SLC18A1: variants seen among roughly 807,000 people sequenced by gnomAD.
SLC18A1 encodes solute carrier family 18 member A1.
A neutral mutation model predicts 53.7 loss-of-function variants in SLC18A1; 69 were observed. That is an observed-to-expected ratio of 1.28 (90% CI 1.06 to 1.57). The LOEUF is 1.57. Ranked by LOEUF, SLC18A1 falls within the 40% of genes most tolerant of loss-of-function variation. The pLI, the probability that SLC18A1 is intolerant of heterozygous loss-of-function variation, is 0.00. For synonymous variants in SLC18A1, 320 were observed against 248.1 expected, an observed-to-expected ratio of 1.29 and a Z score of -2.72; for missense variants, 932 against 668.1, an observed-to-expected ratio of 1.40 and a Z score of -4.35.
At chr8:20,149,537 T>C (rs1249585229) in intron 12 of SLC18A1, 139 bp downstream of exon 12, 1 of 692,400 alleles carries the variant, frequency 1.4e-6, no homozygotes, top group Non-Finnish European at 2.4e-6. Context: ...TCTCTGCTCA[T>C]CTTAAAGGAA....
At chr8:20,150,572 A>G in intron 11 of SLC18A1, 94 bp downstream of exon 11, 3 of 1,122,340 alleles carry the variant, frequency 2.7e-6, no homozygotes, top group East Asian at 2.4e-5. Flanking sequence ...TAAACTTTCA[A>G]CCGTATGGAA....
intron 5 of SLC18A1, among the ~76,000 whole-genome samples, chr8:20,173,973 T>G (rs1255070344): frequency 6.6e-6 from 1 of 151,086 alleles, no homozygotes; most frequent in Non-Finnish European, 1.5e-5. Flanking sequence ...CATGGCTCAC[T>G]GCAGCCTTGA....
chr8:20,178,377 A>C (rs2128880087), intron 4 of SLC18A1, 58 bp downstream of exon 4: 1 of 1,394,098 alleles, frequency 7.2e-7, no homozygotes, highest in East Asian at 2.3e-5. Context: ...CACCGCATTC[A>C]CTTGATAAAA....
intron 8 of SLC18A1, among the ~76,000 whole-genome samples, chr8:20,166,289 CTATATATATATATATATA>C (rs1181101416): frequency 9.3e-6 from 1 of 107,256 alleles, no homozygotes; most frequent in African/African-American, 3.4e-5. Context: ...GTGTGTGTGT[CTATATATATATATATATA>C]TATATATATA....
intron 4 of SLC18A1, among the ~76,000 whole-genome samples, chr8:20,178,059 T>A (rs2128879943): frequency 6.6e-6 from 1 of 152,180 alleles, no homozygotes; most frequent in East Asian, 1.9e-4. Flanking sequence ...CAAAATAATA[T>A]CATTGCTTCT....
Position 20,154,543 on chromosome 8 carries a change from G to A in SLC18A1, c.1016-3799C>T, listed in dbSNP as rs1041202957. 3.3e-5 allele frequency among the ~76,000 whole-genome samples: 5 copies of A among 152,288 alleles called. No individual in the cohort carries two copies. In the East Asian group the frequency reaches 7.7e-4, roughly 24 times the overall value. On this transcript the variant is annotated intron_variant, in intron 10 of 15. Transcript: ENST00000276373. ...ACTCGGAAGCAACAAAGGAGAGCAA[G>A]GTGTGGAACATGAACTTCCATCTAG...
intron 10 of SLC18A1, among the ~76,000 whole-genome samples, chr8:20,161,480 A>G (rs189087042): frequency 1.3e-5 from 2 of 152,268 alleles, no homozygotes. Context: ...ATTATAGTAC[A>G]TGGAAGTACG....
In SLC18A1 at chr8:20,178,441, T is replaced by C; in HGVS notation, c.541A>G (p.Thr181Ala). 6.2e-7 allele frequency: 1 copy of C among 1,609,486 alleles called. No individual in the cohort carries two copies. The highest frequency in any genetic ancestry group is 8.5e-7 in the Non-Finnish European group (1 of 1,178,092). Residue 181 changes from threonine to alanine, a missense_variant, in exon 4 of 16, where the codon ACA (threonine) becomes GCA (alanine). By Grantham distance (58) the Thr-to-Ala change is moderately conservative. Transcript: ENST00000276373. ...FAGFVIMFLS[T>A]VMFAFSGTYT... ...GAGGAAGCAAATTACTTACTAACTG[T>C]GGAGAGAAACATGATAACAAAGCCA...
At chr8:20,173,998 G>A (rs1403583591) in intron 5 of SLC18A1, among the ~76,000 whole-genome samples, 5 of 150,670 alleles carry the variant, frequency 3.3e-5, no homozygotes, top group Non-Finnish European at 5.9e-5. Flanking sequence ...CCAAGCTCAA[G>A]CCATCCTCCC....
At chr8:20,148,619 G>A in intron 12 of SLC18A1, 1 of 474,434 alleles carries the variant, frequency 2.1e-6, no homozygotes, top group South Asian at 1.6e-5. Flanking sequence ...AAGCTTGTGA[G>A]ACTCATTCCC....
chr8:20,149,338 T>A (rs2071485345), intron 12 of SLC18A1, among the ~76,000 whole-genome samples: 1 of 152,028 alleles, frequency 6.6e-6, no homozygotes, highest in Non-Finnish European at 1.5e-5. Flanking sequence ...CAGAAATGGA[T>A]ACCAACATGT....
In SLC18A1 at chr8:20,166,289, C is replaced by CTATATA. The variant is rs1181101416; in HGVS notation, c.859-1188_859-1183dup. Among the ~76,000 whole-genome samples, 205 of 107,190 alleles carry CTATATA rather than the reference C, an allele frequency of 1.9e-3. 3 individuals are homozygous for CTATATA. Among genetic ancestry groups the CTATATA allele is most frequent in the South Asian group, 3.7e-3 (12 of 3,244 alleles). The allele number at this position is 107,190 out of a possible 152,430, so 70.3% of individuals were successfully genotyped here. A position where few individuals can be genotyped will look rare whatever the true frequency, so the allele number is the denominator to read the frequency against. ...AAATTGTGTGTGGGTGTGTGTGTGTCTATATATATATATATATATATATAT... is the reference window on the plus strand; with the variant it reads ...AAATTGTGTGTGGGTGTGTGTGTGTCTATATATATATATATATATATATATATATAT... On this transcript the variant is annotated intron_variant, in intron 8 of 15. Coordinates refer to ENST00000276373, the MANE Select transcript of SLC18A1 (RefSeq NM_003053.4).
chr8:20,168,247 G>A (rs1490997298), intron 8 of SLC18A1, among the ~76,000 whole-genome samples: 1 of 151,848 alleles, frequency 6.6e-6, no homozygotes, highest in Non-Finnish European at 1.5e-5. Flanking sequence ...TGCCTGTGTA[G>A]TCTCAGCTAC....
In SLC18A1 at chr8:20,174,470, C is replaced by T. The variant is rs764617788; in HGVS notation, c.548-26G>A. The T allele has an allele frequency of 3.9e-5, 61 of 1,558,044 alleles. No individual in the cohort carries two copies. The South Asian group carries it at 6.5e-4, about 17-fold the overall frequency. ...CTGGGCAGAGAGAATAGCAAGATAA[C>T]TGCAGTTAGCAAATTGCCTTTGCTT... On this transcript the variant is annotated intron_variant, in intron 4 of 15. Transcript: ENST00000276373.
chr8:20,177,960 T>C (rs948621805), intron 4 of SLC18A1, among the ~76,000 whole-genome samples: 7 of 152,224 alleles, frequency 4.6e-5, no homozygotes, highest in African/African-American at 7.2e-5. Flanking sequence ...TTAAAGCCCT[T>C]AACTGAAAAG....
intron 12 of SLC18A1, among the ~76,000 whole-genome samples, chr8:20,149,444 G>C (rs1393987474): frequency 6.6e-6 from 1 of 152,044 alleles, no homozygotes; most frequent in East Asian, 1.9e-4. Context: ...TCAAAGGAAA[G>C]CCACTGCAGC....
In SLC18A1 at chr8:20,165,054, C is replaced by G; in HGVS notation, c.912G>C (p.Val304=). 6.2e-7 allele frequency: 1 copy of G among 1,614,178 alleles called. No homozygotes were observed. ...FMLLKDPYIL[V]AAGSICFANM... The stretch of plus-strand genomic sequence containing the variant: ...AGGTCATCGCCAGCTTACCTGCAGC[C>G]ACCAGGATGTAAGGGTCTTTGAGAA... The change falls in exon 9 of 16, where the codon GTG becomes GTC. Residue 304 remains valine, a synonymous_variant. Coordinates refer to ENST00000276373, the MANE Select transcript of SLC18A1 (RefSeq NM_003053.4).
At chr8:20,177,117 A>T (rs1369884428) in intron 4 of SLC18A1, among the ~76,000 whole-genome samples, 10 of 152,192 alleles carry the variant, frequency 6.6e-5, no homozygotes, top group Admixed American at 6.5e-4. Context: ...ATTATTTTTA[A>T]ATTTGCTGTC....
At chr8:20,149,112 G>T (rs1023091941) in intron 12 of SLC18A1, among the ~76,000 whole-genome samples, 1 of 152,108 alleles carries the variant, frequency 6.6e-6, no homozygotes, top group Non-Finnish European at 1.5e-5. Context: ...TAGGAGGTTT[G>T]TGTGTTTCTC....
Sources: allele counts gnomAD v4.1 joint callset (sites outside exome capture counted in the v4.1 genomes callset), GRCh38; gene constraint gnomAD v4.1.1; transcripts MANE v1.5; gene names NCBI Gene and HGNC (gene_info 2026-07-23, HGNC 2026-07-21).